Variants in TRPM8 observed in about 807,000 individuals in gnomAD.
TRPM8 encodes the protein TRPM8 cationic channel.
In TRPM8, 110 loss-of-function variants were observed where a neutral mutation model predicts 133.7. The ratio of observed to expected loss-of-function variants is 0.82; its 90% CI spans 0.70 to 0.96. The LOEUF is 0.96. Among genes scored for constraint, TRPM8 ranks in the 40% least tolerant of loss-of-function variants. The probability of loss-of-function intolerance (pLI) is 0.00; values close to 1 mark genes in which losing one functional copy is unlikely to be tolerated. For missense variants in TRPM8, 1,291 were observed against 1,379.5 expected (o/e 0.94, Z 1.02); for synonymous variants, 535 against 532.3 (o/e 1.01, Z -0.07).
intron 25 of TRPM8, 68 bp from the exon 26 acceptor site, chr2:234,017,231 C>G: frequency 2.2e-6 from 1 of 459,024 alleles, no homozygotes; most frequent in Non-Finnish European, 4.5e-6. Flanking sequence ...TGAAGCAAAC[C>G]ATATCCTGCC....
chr2:233,944,672 C>T (rs1213564714), intron 6 of TRPM8, among the ~76,000 whole-genome samples: 1 of 152,114 alleles, frequency 6.6e-6, no homozygotes, highest in African/African-American at 2.4e-5. Flanking sequence ...AAAAACATTA[C>T]ATATTAAGAA....
chr2:233,920,418 C>T (rs1691385081), intron 1 of TRPM8, among the ~76,000 whole-genome samples: 1 of 152,130 alleles, frequency 6.6e-6, no homozygotes. Context: ...AACATGAAAG[C>T]AAAGATTGAC....
At chr2:233,978,198 AGTGTGTGTGTGTGTGTGT>A (rs59259744) in intron 17 of TRPM8, among the ~76,000 whole-genome samples, 1 of 146,008 alleles carries the variant, frequency 6.8e-6, no homozygotes, top group African/African-American at 2.5e-5. Flanking sequence ...GGAATATTAT[AGTGTGTGTGTGTGTGTGT>A]GTGTGTGTGT....
intron 9 of TRPM8, among the ~76,000 whole-genome samples, chr2:233,953,410 T>A (rs1691217271): frequency 1.3e-5 from 2 of 152,218 alleles, no homozygotes; most frequent in African/African-American, 4.8e-5. Flanking sequence ...TTATTTACTT[T>A]TTAAAACGTC....
intron 17 of TRPM8, among the ~76,000 whole-genome samples, chr2:233,976,441 G>A (rs1314405133): frequency 6.6e-6 from 1 of 152,132 alleles, no homozygotes. Context: ...TTTTGCTCAG[G>A]GAGGACACAG....
At chr2:233,936,587 G>A (rs1211805373) in intron 3 of TRPM8, among the ~76,000 whole-genome samples, 1 of 152,250 alleles carries the variant, frequency 6.6e-6, no homozygotes, top group Non-Finnish European at 1.5e-5. Context: ...TCTTCCCAGT[G>A]AGTTCAGCCC....
chr2:234,017,163 A>C (rs1385545176), intron 25 of TRPM8, 136 bp from the exon 26 acceptor site: 2 of 352,554 alleles, frequency 5.7e-6, no homozygotes, highest in African/African-American at 2.2e-5. Flanking sequence ...TAAAAAAAAA[A>C]ATCTCTCAAC....
chr2:234,011,031 C>T (rs1345082176), intron 24 of TRPM8, among the ~76,000 whole-genome samples: 1 of 152,122 alleles, frequency 6.6e-6, no homozygotes, highest in Non-Finnish European at 1.5e-5. Flanking sequence ...GGAGTCATAT[C>T]CAAAAAAATC....
chr2:233,972,888 G>T (rs1691767973), intron 17 of TRPM8, among the ~76,000 whole-genome samples: 1 of 152,230 alleles, frequency 6.6e-6, no homozygotes, highest in South Asian at 2.1e-4. Context: ...GCCAGCTCTG[G>T]CCTTGGCCAG....
rs114967000 is a variant in TRPM8 at position 233,954,401 on chromosome 2, C to A, written c.1243+382C>A. Among the ~76,000 whole-genome samples the A allele has an allele frequency of 6.1e-3, 928 of 152,352 alleles. 4 individuals carry two copies. Among genetic ancestry groups the A allele is most frequent in the Non-Finnish European group, 0.011 (738 of 68,032 alleles). ...TGTACACATATGCACACATACTTCA[C>A]ACCTAAGTAACTTTGCATTTAATTT... On this transcript the variant is annotated intron_variant, in intron 10 of 25. Transcript: ENST00000324695.
intron 11 of TRPM8, 95 bp from the exon 12 acceptor site, chr2:233,960,681 G>A: frequency 3.3e-6 from 3 of 918,274 alleles, no homozygotes; most frequent in South Asian, 3.2e-5. Context: ...CTCTGTGGCT[G>A]GAAATACAGT....
At chr2:233,964,903 T>A in intron 14 of TRPM8, 146 bp downstream of exon 14, 1 of 760,674 alleles carries the variant, frequency 1.3e-6, no homozygotes, top group Non-Finnish European at 1.9e-6. Context: ...CCACAAGGTC[T>A]GGATGCGACA....
In TRPM8 at chr2:233,924,741, C is replaced by T. The variant is rs767961985; in HGVS notation, c.-5-1792C>T. The stretch of plus-strand genomic sequence containing the variant: ...CAAAAATACCCCTTTTCTGTTGCAG[C>T]GAAATAAACAGTTTTTCATTTCAAG... On this transcript the variant is annotated intron_variant, in intron 1 of 25. Transcript: ENST00000324695. Among the ~76,000 whole-genome samples, 92 of 152,256 alleles carry T rather than the reference C, an allele frequency of 6.0e-4. No homozygotes were observed. In the Middle Eastern group the frequency reaches 0.01, roughly 17 times the overall value.
At chr2:233,985,134 T>G (rs1380674166) in intron 20 of TRPM8, among the ~76,000 whole-genome samples, 4 of 152,026 alleles carry the variant, frequency 2.6e-5, no homozygotes, top group Non-Finnish European at 5.9e-5. Flanking sequence ...GTGCACATCT[T>G]ATTCTCCCAT....
At chr2:233,959,891 C>T (rs994281512) in intron 11 of TRPM8, among the ~76,000 whole-genome samples, 3 of 151,754 alleles carry the variant, frequency 2.0e-5, no homozygotes, top group East Asian at 1.9e-4. Flanking sequence ...AAGTGATTCT[C>T]GTGCCTCAGC....
chr2:233,955,201 A>G lies in TRPM8; in HGVS notation c.1313A>G (p.Gln438Arg). 6.2e-7 allele frequency: 1 copy of G among 1,614,214 alleles called. No individual in the cohort carries two copies. The highest frequency in any genetic ancestry group is 8.5e-7 in the Non-Finnish European group (1 of 1,180,016). ...CTGAAGCTTCTGCTGGAGTGGAACCAGCTGGACTTAGCCAATGATGAGATT... is the reference window on the plus strand; with the variant it reads ...CTGAAGCTTCTGCTGGAGTGGAACCGGCTGGACTTAGCCAATGATGAGATT... ...GQLKLLLEWN[Q>R]LDLANDEIFT... Residue 438 changes from glutamine (Q) to arginine (R), a missense_variant, in exon 11 of 26, where the codon CAG becomes CGG. Physicochemically the swap from Gln to Arg is conservative, Grantham distance 43 (BLOSUM62 1). Around this residue, in one of 2 missense-constraint regions of TRPM8, gnomAD observed 963 missense variants for 968.9 expected, o/e 0.99. Transcript: ENST00000324695.
intron 13 of TRPM8, among the ~76,000 whole-genome samples, chr2:233,964,314 G>A (rs926285139): frequency 6.6e-6 from 1 of 152,086 alleles, no homozygotes; most frequent in Non-Finnish European, 1.5e-5. Flanking sequence ...CACTTTGGGA[G>A]GCTGAGGCTG....
rs1341385501 is a variant in TRPM8, at chr2:233,939,107, A to G, written c.458A>G (p.Lys153Arg). The G allele has an allele frequency of 1.9e-6, 3 of 1,614,094 alleles. No homozygotes were observed. Among genetic ancestry groups the G allele is most frequent in the East Asian group, 4.5e-5 (2 of 44,886 alleles). Reference sequence around the variant, plus strand: ...GTCATTTCTGTGACCGGGGGCGCCAAGAACTTCGCCCTGAAGCCGCGCATG... The same window carrying G: ...GTCATTTCTGTGACCGGGGGCGCCAGGAACTTCGCCCTGAAGCCGCGCATG... ...NLVISVTGGA[K>R]NFALKPRMRK... The change falls in exon 5 of 26, where the codon AAG becomes AGG. Residue 153 changes from lysine (K) to arginine (R), a missense_variant. By Grantham distance (26) the Lys-to-Arg change is conservative. This residue lies in a region of TRPM8 where 963 missense variants were observed against 968.9 expected (regional missense o/e 0.99). Transcript: ENST00000324695.
intron 12 of TRPM8, among the ~76,000 whole-genome samples, 198 bp downstream of exon 12, chr2:233,961,264 C>T (rs66567403): frequency 0.047 from 7,159 of 152,174 alleles, 191 homozygotes; most frequent in African/African-American, 0.068. Context: ...TAATATCTTG[C>T]TTTATGATCT....
Sources: gnomAD v4.1 joint callset for allele counts (sites outside exome capture counted in the v4.1 genomes callset) on GRCh38, gnomAD v4.1.1 for gene constraint, gnomAD v4.1.1 regional missense constraint, MANE v1.5 for transcripts, NCBI Gene and HGNC (gene_info 2026-07-23, HGNC 2026-07-21) for gene names.